PASD1: variants seen among roughly 807,000 people sequenced by gnomAD.
The protein encoded by PASD1 is PAS domain containing repressor 1.
In PASD1, 13 loss-of-function variants were observed where a neutral mutation model predicts 58.8. The observed-to-expected ratio is 0.22, with a 90% CI of 0.14 to 0.35. The LOEUF (loss-of-function observed/expected upper bound fraction) is 0.35. Ranked by LOEUF, PASD1 falls within the 10% of genes least tolerant of loss-of-function variation. The pLI, the probability that PASD1 is intolerant of heterozygous loss-of-function variation, is 1.00. For synonymous variants in PASD1, 236 were observed against 216.7 expected, an observed-to-expected ratio of 1.09 and a Z score of -0.78; for missense variants, 734 against 568.3, an observed-to-expected ratio of 1.29 and a Z score of -2.96.
At chrX:151,567,168 C>T (rs1018623558) in intron 1 of PASD1, among the ~76,000 whole-genome samples, 1 of 111,317 alleles carries the variant, frequency 9.0e-6, no homozygotes, top group Non-Finnish European at 1.9e-5. Context: ...GGATGCTCCG[C>T]CATACGTACC....
chrX:151,659,671 C>A, intron 9 of PASD1, 42 bp from the exon 10 acceptor site: 1 of 1,139,427 alleles, frequency 8.8e-7, no homozygotes, highest in South Asian at 2.1e-5. Flanking sequence ...CTTTCTAACT[C>A]CAAAATGCAA....
chrX:151,626,488 A>G (rs2013789726), intron 8 of PASD1, among the ~76,000 whole-genome samples: 1 of 112,021 alleles, frequency 8.9e-6, no homozygotes, highest in African/African-American at 3.2e-5. Context: ...AATACTATAT[A>G]GTTATTCAGC....
intron 4 of PASD1, among the ~76,000 whole-genome samples, chrX:151,615,077 T>G (rs1388737689): frequency 9.0e-6 from 1 of 111,539 alleles, no homozygotes; most frequent in Non-Finnish European, 1.9e-5. Flanking sequence ...CACTACAGCT[T>G]AAATTTTATT....
At chrX:151,628,429 G>C (rs1175246167) in intron 8 of PASD1, among the ~76,000 whole-genome samples, 2 of 112,100 alleles carry the variant, frequency 1.8e-5, no homozygotes, top group Admixed American at 1.9e-4. Context: ...CATATGTCTA[G>C]CCAGTTTTCC....
rs1215266123 is a variant in PASD1 at position 151,659,750 on chromosome X, C to A, written c.755C>A (p.Pro252Gln). The change falls in exon 10 of 16, where the codon CCA (proline) becomes CAA (glutamine). Residue 252 changes from proline to glutamine, a missense_variant. Transcript: ENST00000370357. ...IDIAEVEQYG[P>Q]QENVHMFVDS... ...ATTGCAGAGGTTGAGCAGTATGGAC[C>A]ACAAGAAAACGTTCACATGTTTGTA... The A allele has an allele frequency of 8.3e-7, 1 of 1,201,817 alleles. No individual in the cohort carries two copies. The highest frequency in any genetic ancestry group is 1.1e-6 in the Non-Finnish European group (1 of 886,856).
chrX:151,571,915 T>G (rs754255025), intron 1 of PASD1, among the ~76,000 whole-genome samples: 22 of 111,267 alleles, frequency 2.0e-4, no homozygotes, highest in Non-Finnish European at 3.8e-4. Context: ...TTTCTCTTCT[T>G]TCTGCAGCAG....
chrX:151,581,030 C>T (rs749822791), intron 1 of PASD1, among the ~76,000 whole-genome samples: 50 of 109,336 alleles, frequency 4.6e-4, no homozygotes, highest in African/African-American at 1.6e-3. Context: ...GAGTTCAAGA[C>T]TAGCCTGGCC....
intron 15 of PASD1, among the ~76,000 whole-genome samples, chrX:151,674,424 A>G (rs927649621): frequency 2.7e-5 from 3 of 112,697 alleles, no homozygotes; most frequent in Non-Finnish European, 3.7e-5. Flanking sequence ...AATCTGACTG[A>G]AACTTCTCTC....
At position 151,575,020 on chromosome X, in the gene PASD1, G is replaced by C. The variant is rs2012982962; in HGVS notation, c.-28+11181G>C. Among the ~76,000 whole-genome samples the C allele has an allele frequency of 2.7e-5, 3 of 111,310 alleles. No individual in the cohort carries two copies. In the South Asian group the frequency reaches 1.1e-3, roughly 42 times the overall value. On this transcript the variant is annotated intron_variant, in intron 1 of 15. Coordinates refer to ENST00000370357, the MANE Select transcript of PASD1 (RefSeq NM_173493.3). ...TAAGAGTTTTTACATTGCAGAAAAAGGAGAATTTCCTTAGAGGCAGATGTA... is the reference window on the plus strand; with the variant it reads ...TAAGAGTTTTTACATTGCAGAAAAACGAGAATTTCCTTAGAGGCAGATGTA...
chrX:151,595,730 AC>A (rs377036899), intron 1 of PASD1, among the ~76,000 whole-genome samples: 40 of 108,612 alleles, frequency 3.7e-4, no homozygotes, highest in Admixed American at 2.4e-3. Flanking sequence ...GTCTCAAAAA[AC>A]ACAACAAAAA....
At chrX:151,638,887 A>C (rs370322113) in intron 8 of PASD1, among the ~76,000 whole-genome samples, 53 of 111,738 alleles carry the variant, frequency 4.7e-4, no homozygotes, top group African/African-American at 1.5e-3. Context: ...GTCAAAGTTC[A>C]TTGTTTTTGG....
chrX:151,641,563 C>T (rs1454777654), intron 8 of PASD1, among the ~76,000 whole-genome samples: 2 of 110,957 alleles, frequency 1.8e-5, no homozygotes, highest in Non-Finnish European at 3.8e-5. Context: ...TTTTGAAAGC[C>T]ATAAGAATCC....
chrX:151,610,497 T>A (rs1197767693), intron 3 of PASD1, among the ~76,000 whole-genome samples: 1 of 112,109 alleles, frequency 8.9e-6, no homozygotes, highest in Non-Finnish European at 1.9e-5. Flanking sequence ...GTATTCTGTA[T>A]CTGATAATTC....
chrX:151,587,283 AGAG>A (rs202203166), intron 1 of PASD1, among the ~76,000 whole-genome samples: 1,217 of 90,425 alleles, frequency 0.013, 36 homozygotes, highest in Admixed American at 0.11. Context: ...TAGCTGGGTG[AGAG>A]GAGGTGTTCA....
chrX:151,580,508 C>CTTTTTTTTTTTTT (rs200293926), intron 1 of PASD1, among the ~76,000 whole-genome samples: 2 of 67,134 alleles, frequency 3.0e-5, no homozygotes, highest in African/African-American at 5.1e-5. Context: ...TTCTTTTTTT[C>CTTTTTTTTTTTTT]TTTTTTTTTT....
At chrX:151,622,586 T>C (rs866780926) in intron 6 of PASD1, among the ~76,000 whole-genome samples, 6 of 96,754 alleles carry the variant, frequency 6.2e-5, no homozygotes, top group Non-Finnish European at 1.2e-4. Flanking sequence ...GTGCACAGAT[T>C]ACACACACAC....
intron 9 of PASD1, among the ~76,000 whole-genome samples, chrX:151,649,086 T>A (rs2014098902): frequency 8.9e-6 from 1 of 112,035 alleles, no homozygotes; most frequent in South Asian, 3.7e-4. Flanking sequence ...ATCATCAATT[T>A]ATTCATTAAC....
At chrX:151,665,882 G>A (rs1029229371) in intron 11 of PASD1, among the ~76,000 whole-genome samples, 10 of 104,104 alleles carry the variant, frequency 9.6e-5, no homozygotes, top group South Asian at 8.8e-4. Context: ...GTGTACACGC[G>A]CGTGCATGTG....
intron 4 of PASD1, among the ~76,000 whole-genome samples, chrX:151,613,879 T>A (rs1292938108): frequency 8.9e-6 from 1 of 111,800 alleles, no homozygotes; most frequent in East Asian, 2.8e-4. Context: ...GTCTGAGAAG[T>A]CGAAGATTAA....
Sources: gnomAD v4.1 joint callset for allele counts (sites outside exome capture counted in the v4.1 genomes callset) on GRCh38, gnomAD v4.1.1 for gene constraint, MANE v1.5 for transcripts, NCBI Gene and HGNC (gene_info 2026-07-23, HGNC 2026-07-21) for gene names.